The following NMNAT2 variants were observed in gnomAD, a reference collection of about 807,000 sequenced individuals.
NMNAT2 encodes nicotinamide/nicotinic acid mononucleotide adenylyltransferase 2.
Under a neutral mutation model 41.6 loss-of-function variants are expected in NMNAT2, and 11 were observed. The ratio of observed to expected loss-of-function variants is 0.26; its 90% CI spans 0.17 to 0.44. The LOEUF (loss-of-function observed/expected upper bound fraction) is 0.44, where lower values mean the gene tolerates loss of function less well. Ranked by LOEUF, NMNAT2 falls within the 20% of genes least tolerant of loss-of-function variation. The pLI is 1.00. For synonymous variants in NMNAT2, 148 were observed against 151.2 expected (o/e 0.98, Z 0.16); for missense variants, 288 against 407.7 (o/e 0.71, Z 2.53).
chr1:183,361,236 C>T (rs1032362054), intron 1 of NMNAT2, among the ~76,000 whole-genome samples: 3 of 152,158 alleles, frequency 2.0e-5, no homozygotes, highest in Non-Finnish European at 2.9e-5. Flanking sequence ...GGACTGAATG[C>T]TACTCACATC....
rs1661582836 is a variant in NMNAT2 at position 183,292,966 on chromosome 1, T to C, written c.175-109A>G. The stretch of plus-strand genomic sequence containing the variant: ...TTAAAGTGCAGCCATTTTTCAGTGG[T>C]GAGAGGGAATGAAGAATGTGACCCC... On this transcript the variant is annotated intron_variant, in intron 2 of 10. Transcript: ENST00000287713. The C allele has an allele frequency of 5.2e-6, 5 of 962,560 alleles. No individual in the cohort carries two copies. In the African/African-American group the frequency reaches 8.1e-5, roughly 16 times the overall value. 59.6% of individuals were successfully genotyped at this position (962,560 alleles called of 1,614,324 possible). A position where few individuals can be genotyped will look rare whatever the true frequency, so the allele number is the denominator to read the frequency against.
At chr1:183,372,978 C>G (rs1037444538) in intron 1 of NMNAT2, among the ~76,000 whole-genome samples, 2 of 152,190 alleles carry the variant, frequency 1.3e-5, no homozygotes, top group Non-Finnish European at 2.9e-5. Context: ...CTAGGCTCCA[C>G]ATAGGAGGGG....
chr1:183,369,496 CT>C (rs1160852377), intron 1 of NMNAT2, among the ~76,000 whole-genome samples: 3 of 151,978 alleles, frequency 2.0e-5, no homozygotes, highest in African/African-American at 7.3e-5. Flanking sequence ...CCAGGATGGT[CT>C]CGATCTCCTG....
At chr1:183,281,605 G>C (rs1661272065) in intron 7 of NMNAT2, among the ~76,000 whole-genome samples, 1 of 152,224 alleles carries the variant, frequency 6.6e-6, no homozygotes. Flanking sequence ...AAACATTTAA[G>C]TCAGACAAGC....
At chr1:183,347,696 G>A (rs1662962774) in intron 1 of NMNAT2, among the ~76,000 whole-genome samples, 2 of 152,162 alleles carry the variant, frequency 1.3e-5, no homozygotes, top group Admixed American at 1.3e-4. Flanking sequence ...GACTGCAGGA[G>A]CACTGTTTTT....
At chr1:183,397,403 T>C (rs535452451) in intron 1 of NMNAT2, among the ~76,000 whole-genome samples, 5 of 152,220 alleles carry the variant, frequency 3.3e-5, no homozygotes, top group African/African-American at 1.2e-4. Flanking sequence ...CCAAGCAATA[T>C]AGGACTATGT....
intron 1 of NMNAT2, among the ~76,000 whole-genome samples, chr1:183,313,359 G>T (rs1188842041): frequency 6.6e-6 from 1 of 152,186 alleles, no homozygotes; most frequent in East Asian, 1.9e-4. Flanking sequence ...CAACCAGCTG[G>T]ACTTTCTTTC....
At chr1:183,391,722 G>A (rs181358915) in intron 1 of NMNAT2, among the ~76,000 whole-genome samples, 26 of 152,098 alleles carry the variant, frequency 1.7e-4, no homozygotes, top group African/African-American at 4.1e-4. Flanking sequence ...AAATCTGCTC[G>A]TGTCAAAGCC....
At chr1:183,286,857 G>A in intron 4 of NMNAT2, 69 bp from the exon 5 acceptor site, 1 of 1,525,608 alleles carries the variant, frequency 6.6e-7, no homozygotes, top group Non-Finnish European at 8.9e-7. Flanking sequence ...ATCTCCAAGT[G>A]GTCATCTGCT....
intron 8 of NMNAT2, among the ~76,000 whole-genome samples, chr1:183,277,464 G>T (rs533380347): frequency 7.4e-6 from 1 of 135,200 alleles, no homozygotes; most frequent in African/African-American, 2.9e-5. Context: ...GCAGTGAGCC[G>T]AGATCACACC....
At chr1:183,331,855 T>C (rs1434346084) in intron 1 of NMNAT2, among the ~76,000 whole-genome samples, 1 of 152,240 alleles carries the variant, frequency 6.6e-6, no homozygotes, top group Non-Finnish European at 1.5e-5. Context: ...TGGTGCAATC[T>C]GGGCTCACTA....
chr1:183,332,029 C>G (rs966193743), intron 1 of NMNAT2, among the ~76,000 whole-genome samples: 1 of 152,170 alleles, frequency 6.6e-6, no homozygotes, highest in East Asian at 1.9e-4. Context: ...GTGATCCACA[C>G]GCCTCAGCCT....
chr1:183,284,063 G>C, intron 6 of NMNAT2, 24 bp from the exon 7 acceptor site: 1 of 1,606,036 alleles, frequency 6.2e-7, no homozygotes, highest in Non-Finnish European at 8.5e-7. Flanking sequence ...AAGGAAGGTA[G>C]GGCATTAGGG....
intron 3 of NMNAT2, among the ~76,000 whole-genome samples, chr1:183,291,049 T>A (rs561279051): frequency 6.6e-6 from 1 of 152,314 alleles, no homozygotes; most frequent in East Asian, 1.9e-4. Context: ...CCTGAGTAGC[T>A]GAGACTACAG....
intron 1 of NMNAT2, among the ~76,000 whole-genome samples, chr1:183,336,082 A>G (rs1662673546): frequency 1.3e-5 from 2 of 152,226 alleles, no homozygotes; most frequent in Non-Finnish European, 2.9e-5. Context: ...TTCCCTGGCA[A>G]CAGGCTGTAA....
intron 1 of NMNAT2, among the ~76,000 whole-genome samples, chr1:183,342,291 G>A (rs1662837132): frequency 6.6e-6 from 1 of 151,984 alleles, no homozygotes; most frequent in South Asian, 2.1e-4. Flanking sequence ...AGGGATTCAA[G>A]ACCAGCCTAG....
chr1:183,254,233 C>T (rs185632641), intron 10 of NMNAT2, among the ~76,000 whole-genome samples: 1 of 152,278 alleles, frequency 6.6e-6, no homozygotes, highest in Admixed American at 6.5e-5. Flanking sequence ...TTTCTCCACA[C>T]CCTCATCGAC....
rs1557897625 is a variant in NMNAT2 at position 183,389,804 on chromosome 1, GAAA to G, written c.85+28376_85+28378del. On this transcript the variant is annotated intron_variant, in intron 1 of 10. Transcript: ENST00000287713. The stretch of plus-strand genomic sequence containing the variant: ...AGAAAGAAAGAAAGAAAGAAAGAAA[GAAA>G]GAAAGAAAGAAAGAAAGAAAGAAAG... Among the ~76,000 whole-genome samples the G allele has an allele frequency of 2.4e-3, 149 of 62,594 alleles. 9 individuals are homozygous for G. Among genetic ancestry groups the G allele is most frequent in the Middle Eastern group, 0.01 (1 of 98 alleles). 41.1% of individuals were successfully genotyped at this position (62,594 alleles called of 152,430 possible).
chr1:183,389,740 GAAAGAAAGAAAGAA>G (rs1571633313), intron 1 of NMNAT2, among the ~76,000 whole-genome samples: 1 of 6,306 alleles, frequency 1.6e-4, no homozygotes, highest in Non-Finnish European at 3.1e-4. Flanking sequence ...TGTCAAAAAA[GAAAGAAAGAAAGAA>G]AGAAAGAAAG....
Sources: gnomAD v4.1 joint callset for allele counts (sites outside exome capture counted in the v4.1 genomes callset) on GRCh38, gnomAD v4.1.1 for gene constraint, MANE v1.5 for transcripts, NCBI Gene and HGNC (gene_info 2026-07-23, HGNC 2026-07-21) for gene names.